The following JAM3 variants were observed in gnomAD, a reference collection of about 807,000 sequenced individuals.
The protein encoded by JAM3 is junctional adhesion molecule C.
JAM3 carries 31 observed loss-of-function variants against 39.4 expected under a neutral mutation model. That is an observed-to-expected ratio of 0.79 (90% CI 0.59 to 1.06). The LOEUF (loss-of-function observed/expected upper bound fraction) is 1.06. Among genes scored for constraint, JAM3 ranks in the 50% least tolerant of loss-of-function variants. The pLI is 0.00. For missense variants in JAM3, 455 were observed against 391.4 expected, an observed-to-expected ratio of 1.16 and a Z score of -1.37; for synonymous variants, 182 against 148.7, an observed-to-expected ratio of 1.22 and a Z score of -1.63.
chr11:134,123,164 A>G (rs1219760287), intron 1 of JAM3, among the ~76,000 whole-genome samples: 1 of 152,108 alleles, frequency 6.6e-6, no homozygotes, highest in Non-Finnish European at 1.5e-5. Context: ...AAGACTAAAA[A>G]CCACCTGGAT....
At chr11:134,118,427 T>G (rs1942476962) in intron 1 of JAM3, among the ~76,000 whole-genome samples, 1 of 152,172 alleles carries the variant, frequency 6.6e-6, no homozygotes, top group Non-Finnish European at 1.5e-5. Context: ...CCAAGTGCTG[T>G]ACAGTTCCAT....
chr11:134,108,224 A>G (rs1436519304), intron 1 of JAM3, among the ~76,000 whole-genome samples: 1 of 152,110 alleles, frequency 6.6e-6, no homozygotes, highest in Non-Finnish European at 1.5e-5. Context: ...ACAACTACCA[A>G]AGCTCACTCA....
chr11:134,140,608 A>G (rs1214822175), intron 2 of JAM3, 49 bp from the exon 3 acceptor site: 7 of 1,466,936 alleles, frequency 4.8e-6, no homozygotes, highest in Non-Finnish European at 6.7e-6. Flanking sequence ...AGCTGAACGT[A>G]GAAGCACTCC....
At position 134,117,652 on chromosome 11, in the gene JAM3, AAT is replaced by A. The variant is rs1278244187; in HGVS notation, c.77-22196_77-22195del. Reference sequence around the variant, plus strand: ...CCTAAAGCCCAGGTTTTGCAGCTTGAATATGTTTCCTCTTGTTGATATGACAG... The same window carrying A: ...CCTAAAGCCCAGGTTTTGCAGCTTGAATGTTTCCTCTTGTTGATATGACAG... On this transcript the variant is annotated intron_variant, in intron 1 of 8. Transcript: ENST00000299106. 1.9e-4 allele frequency among the ~76,000 whole-genome samples: 29 copies of A among 152,362 alleles called. No homozygotes were observed. In the East Asian group the frequency reaches 3.7e-3, roughly 19 times the overall value.
chr11:134,113,503 C>T (rs1002652845), intron 1 of JAM3, among the ~76,000 whole-genome samples: 2 of 152,126 alleles, frequency 1.3e-5, no homozygotes, highest in African/African-American at 2.4e-5. Flanking sequence ...TCATCCATAT[C>T]CCAACAAAGG....
intron 1 of JAM3, among the ~76,000 whole-genome samples, chr11:134,096,512 G>C (rs1591779483): frequency 1.3e-5 from 2 of 152,118 alleles, no homozygotes; most frequent in Non-Finnish European, 2.9e-5. Flanking sequence ...ATTATGTTAT[G>C]TTATTTCCTC....
In JAM3 at chr11:134,111,865, A is replaced by G. The variant is rs141028515; in HGVS notation, c.77-27986A>G. 8.8e-3 allele frequency among the ~76,000 whole-genome samples: 1,339 copies of G among 152,320 alleles called. 20 individuals are homozygous for G. The highest frequency in any genetic ancestry group is 0.03 in the African/African-American group (1,241 of 41,570). The stretch of plus-strand genomic sequence containing the variant: ...CCATAAATTAATAAGATACCTACAC[A>G]TCAAATGTCCCTCAGTTATAATGGA... On this transcript the variant is annotated intron_variant, in intron 1 of 8. Coordinates refer to ENST00000299106, the MANE Select transcript of JAM3 (RefSeq NM_032801.5).
chr11:134,113,674 G>A (rs1297082923), intron 1 of JAM3, among the ~76,000 whole-genome samples: 5 of 152,170 alleles, frequency 3.3e-5, no homozygotes, highest in Non-Finnish European at 7.3e-5. Flanking sequence ...TGTCTTTATA[G>A]CAGCATGATT....
chr11:134,069,529 G>T (rs988192623), intron 1 of JAM3, among the ~76,000 whole-genome samples: 2 of 151,788 alleles, frequency 1.3e-5, no homozygotes, highest in African/African-American at 4.8e-5. Flanking sequence ...CCTCCCAGGC[G>T]GGGTCCTGTG....
chr11:134,100,337 A>C (rs182537505), intron 1 of JAM3, among the ~76,000 whole-genome samples: 2 of 152,312 alleles, frequency 1.3e-5, no homozygotes, highest in Admixed American at 1.3e-4. Context: ...TTCCACCCAC[A>C]GAGCCTTTCT....
At chr11:134,113,552 A>G (rs2120738495) in intron 1 of JAM3, among the ~76,000 whole-genome samples, 1 of 152,176 alleles carries the variant, frequency 6.6e-6, no homozygotes, top group Non-Finnish European at 1.5e-5. Flanking sequence ...ATAGTATTCC[A>G]TGGTGTATAT....
chr11:134,125,763 G>T (rs1007993397), intron 1 of JAM3, among the ~76,000 whole-genome samples: 1 of 152,190 alleles, frequency 6.6e-6, no homozygotes, highest in African/African-American at 2.4e-5. Context: ...TGCTCATCCT[G>T]TAGCTCCTTC....
At chr11:134,147,123 A>C (rs2120369888) in intron 6 of JAM3, among the ~76,000 whole-genome samples, 1 of 152,244 alleles carries the variant, frequency 6.6e-6, no homozygotes, top group Middle Eastern at 3.4e-3. Context: ...TAGCCTATTG[A>C]CTTTTTAGTG....
At chr11:134,135,835 G>A (rs1013346754) in intron 1 of JAM3, among the ~76,000 whole-genome samples, 3 of 152,096 alleles carry the variant, frequency 2.0e-5, no homozygotes, top group South Asian at 2.1e-4. Flanking sequence ...TTGGGGGGCC[G>A]AGGCGGGTAG....
intron 1 of JAM3, among the ~76,000 whole-genome samples, chr11:134,134,850 G>GT (rs1482261643): frequency 3.3e-5 from 5 of 152,062 alleles, no homozygotes; most frequent in Admixed American, 6.6e-5. Flanking sequence ...GTTCAATTGT[G>GT]TTTTTTTGGT....
intron 1 of JAM3, among the ~76,000 whole-genome samples, chr11:134,106,510 A>G (rs1942190856): frequency 6.6e-6 from 1 of 152,238 alleles, no homozygotes; most frequent in Non-Finnish European, 1.5e-5. Flanking sequence ...ATCTAATTAA[A>G]GAGCTTCTGC....
rs1943150958 is a variant in JAM3 at position 134,149,513 on chromosome 11, G to A, written c.*332G>A. 1.9e-6 allele frequency: 1 copy of A among 513,020 alleles called. No individual in the cohort carries two copies. Among genetic ancestry groups the A allele is most frequent in the Non-Finnish European group, 3.7e-6 (1 of 268,484 alleles). 31.8% of individuals were successfully genotyped at this position (513,020 alleles called of 1,614,324 possible). A position where few individuals can be genotyped will look rare whatever the true frequency, so the allele number is the denominator to read the frequency against. On this transcript the variant is annotated 3_prime_UTR_variant, in exon 9 of 9. Transcript: ENST00000299106. ...TTTGCTCACGTAAACGCCCGTGCTG[G>A]GCCCTGTGAAGCCAGCATGTTCACC...
intron 1 of JAM3, among the ~76,000 whole-genome samples, chr11:134,108,546 A>G (rs570425811): frequency 5.3e-5 from 8 of 152,366 alleles, no homozygotes; most frequent in East Asian, 1.9e-4. Flanking sequence ...TAGCAAGTCA[A>G]TCATAAAAAA....
In JAM3 at chr11:134,149,850, C is replaced by T. The variant is rs1204164442; in HGVS notation, c.*669C>T. 1 of 327,222 alleles carries T rather than the reference C, an allele frequency of 3.1e-6. No homozygotes were observed. The highest frequency in any genetic ancestry group is 6.0e-6 in the Non-Finnish European group (1 of 165,326). 20.3% of individuals were successfully genotyped at this position (327,222 alleles called of 1,614,324 possible). ...ACAGGGTGTCAGGATTTAAGGAAAA[C>T]CTTCGTCTTAGGCTAAGTCTGAAAT... On this transcript the variant is annotated 3_prime_UTR_variant, in exon 9 of 9. Coordinates refer to ENST00000299106, the MANE Select transcript of JAM3 (RefSeq NM_032801.5).
Sources: gnomAD v4.1 joint callset for allele counts (sites outside exome capture counted in the v4.1 genomes callset) on GRCh38, gnomAD v4.1.1 for gene constraint, MANE v1.5 for transcripts, NCBI Gene and HGNC (gene_info 2026-07-23, HGNC 2026-07-21) for gene names.